Variants in ST18 observed in about 807,000 individuals in gnomAD.
ST18 encodes the protein ST18 C2H2C-type zinc finger transcription factor, also known as suppression of tumorigenicity 18 protein.
A neutral mutation model predicts 110.0 loss-of-function variants in ST18; 50 were observed. The ratio of observed to expected loss-of-function variants is 0.45; its 90% CI spans 0.36 to 0.58. The LOEUF (loss-of-function observed/expected upper bound fraction) is 0.58. Ranked by LOEUF, ST18 falls within the 20% of genes least tolerant of loss-of-function variation. The pLI is 0.00. For synonymous variants in ST18, 461 were observed against 452.4 expected (o/e 1.02, Z -0.24); for missense variants, 1,306 against 1,280.1 (o/e 1.02, Z -0.31).
chr8:52,344,307 T>A (rs1010625672), intron 2 of ST18, among the ~76,000 whole-genome samples: 29 of 152,270 alleles, frequency 1.9e-4, no homozygotes, highest in African/African-American at 7.0e-4. Context: ...TTTTAAGATG[T>A]AGAAAAATGT....
chr8:52,327,575 C>T (rs1341862631), intron 2 of ST18, among the ~76,000 whole-genome samples: 3 of 152,180 alleles, frequency 2.0e-5, no homozygotes, highest in African/African-American at 7.2e-5. Flanking sequence ...TGTGGTAGAG[C>T]ACCACTGTTT....
chr8:52,130,139 G>GAAAGAAAT (rs1262782738), intron 22 of ST18, among the ~76,000 whole-genome samples: 1 of 148,802 alleles, frequency 6.7e-6, no homozygotes, highest in Non-Finnish European at 1.5e-5. Flanking sequence ...AAGAAAGAAA[G>GAAAGAAAT]AAAGAAAGAA....
At position 52,394,155 on chromosome 8, in the gene ST18, C is replaced by G. The variant is rs1005521118; in HGVS notation, c.-465+15173G>C. On this transcript the variant is annotated intron_variant, in intron 2 of 25. Coordinates refer to ENST00000689386, the MANE Select transcript of ST18 (RefSeq NM_001352837.2). ...ATCCCCCTGTCTTAATGAAGGGCAT[C>G]CCAGTCTCTCCAGATGCAGAGGAGC... 2.6e-4 allele frequency among the ~76,000 whole-genome samples: 39 copies of G among 152,242 alleles called. 1 individual carries two copies. The highest frequency in any genetic ancestry group is 2.5e-3 in the South Asian group (12 of 4,832).
Position 52,190,363 on chromosome 8 carries a change from C to T in ST18, c.87-10051G>A, listed in dbSNP as rs139761965. Among the ~76,000 whole-genome samples the T allele has an allele frequency of 4.5e-4, 69 of 152,204 alleles. No homozygotes were observed. The East Asian group carries it at 0.01, about 23-fold the overall frequency. On this transcript the variant is annotated intron_variant, in intron 8 of 25. Transcript: ENST00000689386. ...CAGATAAGGGAGATTCAAGCTGTACCACCCTTAAACTTATAGGATGCATGG... is the reference window on the plus strand; with the variant it reads ...CAGATAAGGGAGATTCAAGCTGTACTACCCTTAAACTTATAGGATGCATGG...
Position 52,172,389 on chromosome 8 carries a change from T to C in ST18, c.472A>G (p.Lys158Glu). 1 of 1,614,046 alleles carries C rather than the reference T, an allele frequency of 6.2e-7. No homozygotes were observed. Among genetic ancestry groups the C allele is most frequent in the Non-Finnish European group, 8.5e-7 (1 of 1,180,022 alleles). Residue 158 changes from lysine to glutamate, a missense_variant, in exon 10 of 26, where the codon AAA becomes GAA. Lys to Glu is a moderately conservative substitution (Grantham distance 56). Coordinates refer to ENST00000689386, the MANE Select transcript of ST18 (RefSeq NM_001352837.2). ...NLNDSGIQSL[K>E]AESDEADECF... ...TCGTCTGCTTCATCGCTCTCTGCTT[T>C]TAAAGACTGGATGCCACTGTCATTT...
At chr8:52,189,063 T>C (rs1469188104) in intron 8 of ST18, among the ~76,000 whole-genome samples, 2 of 152,154 alleles carry the variant, frequency 1.3e-5, no homozygotes, top group East Asian at 3.9e-4. Context: ...CTCTGAGCCA[T>C]AAAATTAGTC....
intron 2 of ST18, among the ~76,000 whole-genome samples, chr8:52,353,497 G>T (rs1044939878): frequency 6.6e-6 from 1 of 152,144 alleles, no homozygotes; most frequent in African/African-American, 2.4e-5. Context: ...AAAGTTTCTT[G>T]TCTAAATAAA....
Position 52,308,337 on chromosome 8 carries a change from T to C in ST18, c.-464-78260A>G, listed in dbSNP as rs2095847401. Among the ~76,000 whole-genome samples, 3 of 152,252 alleles carry C rather than the reference T, an allele frequency of 2.0e-5. No individual in the cohort carries two copies. The South Asian group carries it at 6.2e-4, about 31-fold the overall frequency. On this transcript the variant is annotated intron_variant, in intron 2 of 25. Coordinates refer to ENST00000689386, the MANE Select transcript of ST18 (RefSeq NM_001352837.2). Reference sequence around the variant, plus strand: ...GCATTTTGTATCTTGTAGAACATTGTACTATACGTTTTCTCACTTAATTTC... The same window carrying C: ...GCATTTTGTATCTTGTAGAACATTGCACTATACGTTTTCTCACTTAATTTC...
intron 2 of ST18, among the ~76,000 whole-genome samples, chr8:52,355,657 G>A (rs1292752712): frequency 6.6e-6 from 1 of 152,182 alleles, no homozygotes; most frequent in Non-Finnish European, 1.5e-5. Context: ...AATAAAAGAA[G>A]CTGCTGTTTT....
chr8:52,201,254 C>G (rs781514855), intron 8 of ST18: 3 of 152,300 alleles, frequency 2.0e-5, no homozygotes, highest in Non-Finnish European at 4.4e-5. Context: ...TCTTCCAGGA[C>G]AGACTGTAGG....
intron 14 of ST18, among the ~76,000 whole-genome samples, chr8:52,161,124 T>C (rs2061347261): frequency 6.6e-6 from 1 of 152,230 alleles, no homozygotes. Context: ...GATTCAACAA[T>C]AGCATCATAT....
At chr8:52,361,434 T>G (rs1378574149) in intron 2 of ST18, among the ~76,000 whole-genome samples, 1 of 151,914 alleles carries the variant, frequency 6.6e-6, no homozygotes, top group African/African-American at 2.4e-5. Context: ...TGCCTGAGAG[T>G]GGGAGAAGGG....
intron 2 of ST18, among the ~76,000 whole-genome samples, chr8:52,312,693 C>CA (rs1404536928): frequency 3.3e-5 from 5 of 152,158 alleles, no homozygotes; most frequent in Admixed American, 2.6e-4. Flanking sequence ...ATGGAGTGCA[C>CA]AGCAGTATTC....
intron 3 of ST18, among the ~76,000 whole-genome samples, chr8:52,226,401 C>A (rs939297435): frequency 6.6e-6 from 1 of 152,164 alleles, no homozygotes; most frequent in Non-Finnish European, 1.5e-5. Context: ...CTAGCTTTCC[C>A]TCTAACTCAG....
At chr8:52,342,527 A>G (rs1471383087) in intron 2 of ST18, among the ~76,000 whole-genome samples, 2 of 152,222 alleles carry the variant, frequency 1.3e-5, no homozygotes, top group East Asian at 3.9e-4. Context: ...ATTTTGTTGT[A>G]AAGTCTTTCA....
At chr8:52,383,553 A>G (rs1835408153) in intron 2 of ST18, among the ~76,000 whole-genome samples, 1 of 151,120 alleles carries the variant, frequency 6.6e-6, no homozygotes, top group East Asian at 2.0e-4. Flanking sequence ...GGTTCAACCA[A>G]TTCTCCTGCC....
At chr8:52,139,664 A>G (rs2054117309) in intron 17 of ST18, among the ~76,000 whole-genome samples, 1 of 148,494 alleles carries the variant, frequency 6.7e-6, no homozygotes, top group Non-Finnish European at 1.5e-5. Context: ...CCTATTTTAT[A>G]TTTTTAAATT....
At chr8:52,351,909 C>T (rs557413277) in intron 2 of ST18, among the ~76,000 whole-genome samples, 4 of 152,202 alleles carry the variant, frequency 2.6e-5, no homozygotes, top group South Asian at 2.1e-4. Context: ...GTCTGAGAAG[C>T]GTACTTCAAT....
chr8:52,374,094 G>T (rs13258033), intron 2 of ST18, among the ~76,000 whole-genome samples: 11 of 151,882 alleles, frequency 7.2e-5, no homozygotes, highest in Admixed American at 3.3e-4. Context: ...AACTTCCAGA[G>T]GCTCTGTACT....
Sources: allele counts gnomAD v4.1 joint callset (sites outside exome capture counted in the v4.1 genomes callset), GRCh38; gene constraint gnomAD v4.1.1; transcripts MANE v1.5; gene names NCBI Gene and HGNC (gene_info 2026-07-23, HGNC 2026-07-21).